The following MTSS1 variants were observed in gnomAD, a reference collection of about 807,000 sequenced individuals.
MTSS1 encodes protein MTSS 1.
A neutral mutation model predicts 79.0 loss-of-function variants in MTSS1; 18 were observed. The ratio of observed to expected loss-of-function variants is 0.23; its 90% confidence interval spans 0.16 to 0.34. The LOEUF (loss-of-function observed/expected upper bound fraction) is 0.34, where lower values mean the gene tolerates loss of function less well. MTSS1 is among the 10% of genes least tolerant of loss of function. The probability of loss-of-function intolerance (pLI) is 1.00; values close to 1 mark genes in which losing one functional copy is unlikely to be tolerated. For missense variants in MTSS1, 815 were observed against 986.2 expected, an observed-to-expected ratio of 0.83 and a Z score of 2.33; for synonymous variants, 341 against 368.6, an observed-to-expected ratio of 0.93 and a Z score of 0.86.
chr8:124,688,401 GTA>G (rs1827381895), intron 3 of MTSS1, among the ~76,000 whole-genome samples: 1 of 151,894 alleles, frequency 6.6e-6, no homozygotes, highest in Non-Finnish European at 1.5e-5. Context: ...GTGTATATGT[GTA>G]TGTGTGTGTA....
At chr8:124,570,660 G>A (rs187829658) in intron 6 of MTSS1, among the ~76,000 whole-genome samples, 347 of 152,198 alleles carry the variant, frequency 2.3e-3, no homozygotes, top group Non-Finnish European at 4.0e-3. Flanking sequence ...GGAGAAGGGG[G>A]AACTACTATA....
chr8:124,552,492 AT>A lies in MTSS1; in HGVS notation c.*499del. The A allele has an allele frequency of 6.2e-6, 1 of 160,914 alleles. No individual in the cohort carries two copies. Among genetic ancestry groups the A allele is most frequent in the South Asian group, 1.7e-4 (1 of 5,978 alleles). 10.0% of individuals were successfully genotyped at this position (160,914 alleles called of 1,614,324 possible). Reference sequence around the variant, plus strand: ...CTGCTCTTTTCATCCAGAACATAGTATATTTAAATGAAGATTTTACCTCTTA... The same window carrying A: ...CTGCTCTTTTCATCCAGAACATAGTAATTTAAATGAAGATTTTACCTCTTA... On this transcript the variant is annotated 3_prime_UTR_variant, in exon 14 of 14. Transcript: ENST00000518547.
chr8:124,702,163 G>A (rs1206675715), intron 2 of MTSS1, among the ~76,000 whole-genome samples: 2 of 152,228 alleles, frequency 1.3e-5, no homozygotes, highest in Non-Finnish European at 2.9e-5. Context: ...TACTCTGAAA[G>A]ACTGCCAGAC....
chr8:124,573,362 TTC>T (rs1183976602), intron 6 of MTSS1, among the ~76,000 whole-genome samples: 1 of 152,254 alleles, frequency 6.6e-6, no homozygotes, highest in African/African-American at 2.4e-5. Context: ...CAGATTAGGC[TTC>T]TCTTACTTGA....
chr8:124,647,065 C>T (rs2134099175), intron 3 of MTSS1, among the ~76,000 whole-genome samples: 1 of 152,274 alleles, frequency 6.6e-6, no homozygotes, highest in Middle Eastern at 3.4e-3. Context: ...GACCAGGCTG[C>T]TTTCAAACTC....
chr8:124,722,231 G>A (rs568149487), intron 1 of MTSS1, among the ~76,000 whole-genome samples: 2 of 152,204 alleles, frequency 1.3e-5, no homozygotes, highest in African/African-American at 4.8e-5. Context: ...TTTTGTTGGT[G>A]AGCCCATCCA....
At chr8:124,636,351 G>A (rs951755406) in intron 3 of MTSS1, among the ~76,000 whole-genome samples, 1 of 152,110 alleles carries the variant, frequency 6.6e-6, no homozygotes, top group African/African-American at 2.4e-5. Flanking sequence ...GGCTGGCCTC[G>A]AACTCCTGAC....
chr8:124,680,342 G>A (rs188813864), intron 3 of MTSS1, among the ~76,000 whole-genome samples: 144 of 152,320 alleles, frequency 9.5e-4, no homozygotes, highest in African/African-American at 3.3e-3. Context: ...GGAGTCATCC[G>A]AACGGGGTCC....
intron 9 of MTSS1, among the ~76,000 whole-genome samples, chr8:124,563,925 G>C (rs1825834245): frequency 1.3e-5 from 2 of 152,272 alleles, no homozygotes; most frequent in South Asian, 4.1e-4. Flanking sequence ...GAAGTCAGGA[G>C]TTCAAGACTA....
chr8:124,713,764 G>C (rs919430182), intron 1 of MTSS1, among the ~76,000 whole-genome samples: 8 of 152,014 alleles, frequency 5.3e-5, no homozygotes, highest in African/African-American at 1.9e-4. Context: ...TTGTCACCAA[G>C]GCTGGAGTGC....
chr8:124,562,014 G>A (rs957937479), intron 10 of MTSS1, among the ~76,000 whole-genome samples: 1 of 152,144 alleles, frequency 6.6e-6, no homozygotes, highest in African/African-American at 2.4e-5. Flanking sequence ...CCCAGCAGGT[G>A]GGGCTGTGGG....
At position 124,552,674 on chromosome 8, in the gene MTSS1, C is replaced by T. The variant is rs561383374; in HGVS notation, c.*318G>A. Reference sequence around the variant, plus strand: ...CTTCGTGGTTCCCCTGCCCCAACCCCCTTTATGCATTTAAAATTTTACAAA... The same window carrying T: ...CTTCGTGGTTCCCCTGCCCCAACCCTCTTTATGCATTTAAAATTTTACAAA... On this transcript the variant is annotated 3_prime_UTR_variant, in exon 14 of 14. Transcript: ENST00000518547. The T allele has an allele frequency of 2.9e-5, 9 of 313,302 alleles. No individual in the cohort carries two copies. The highest frequency in any genetic ancestry group is 1.0e-3 in the Middle Eastern group (1 of 986). 19.4% of individuals were successfully genotyped at this position (313,302 alleles called of 1,614,324 possible). A position where few individuals can be genotyped will look rare whatever the true frequency, so the allele number is the denominator to read the frequency against.
chr8:124,632,549 T>C (rs1014190370), intron 3 of MTSS1, among the ~76,000 whole-genome samples: 8 of 152,188 alleles, frequency 5.3e-5, no homozygotes, highest in Non-Finnish European at 1.2e-4. Flanking sequence ...ACCTGGAAAT[T>C]TCTCCAGCCA....
intron 11 of MTSS1, among the ~76,000 whole-genome samples, chr8:124,557,189 C>T (rs1824030430): frequency 6.6e-6 from 1 of 152,212 alleles, no homozygotes; most frequent in African/African-American, 2.4e-5. Flanking sequence ...TCAACATGAT[C>T]ACCCCAAACC....
intron 1 of MTSS1, among the ~76,000 whole-genome samples, chr8:124,710,348 G>A (rs1830981348): frequency 6.6e-6 from 1 of 152,208 alleles, no homozygotes. Flanking sequence ...GGAGAGAGAG[G>A]AAAATAATGA....
chr8:124,568,819 A>G, intron 6 of MTSS1: 5 of 1,438,976 alleles, frequency 3.5e-6, no homozygotes, highest in Non-Finnish European at 4.5e-6. Context: ...CACAACCCCC[A>G]CCAACTCTTC....
chr8:124,629,128 A>G (rs1815335696), intron 3 of MTSS1, among the ~76,000 whole-genome samples: 1 of 152,242 alleles, frequency 6.6e-6, no homozygotes, highest in Non-Finnish European at 1.5e-5. Context: ...AGCCCTGTGC[A>G]TAAGCACTAT....
chr8:124,561,565 A>G (rs1193686159), intron 10 of MTSS1, among the ~76,000 whole-genome samples: 2 of 151,786 alleles, frequency 1.3e-5, no homozygotes, highest in African/African-American at 4.8e-5. Context: ...CCCCATCCAC[A>G]CTCACAGTCT....
intron 6 of MTSS1, among the ~76,000 whole-genome samples, chr8:124,573,397 T>C (rs1291819003): frequency 2.6e-5 from 4 of 152,264 alleles, no homozygotes; most frequent in Non-Finnish European, 4.4e-5. Context: ...CTTATACTTA[T>C]TCACAGCACT....
Sources: gnomAD v4.1 joint callset for allele counts (sites outside exome capture counted in the v4.1 genomes callset) on GRCh38, gnomAD v4.1.1 for gene constraint, MANE v1.5 for transcripts, NCBI Gene and HGNC (gene_info 2026-07-23, HGNC 2026-07-21) for gene names.